DSCAML1: variants seen among roughly 807,000 people sequenced by gnomAD.
DSCAML1 encodes the protein DS cell adhesion molecule like 1.
DSCAML1 carries 38 observed loss-of-function variants against 200.5 expected under a neutral mutation model. The ratio of observed to expected loss-of-function variants is 0.19; its 90% CI spans 0.15 to 0.25. The LOEUF (loss-of-function observed/expected upper bound fraction) is 0.25. Ranked by LOEUF, DSCAML1 falls within the 10% of genes least tolerant of loss-of-function variation. DSCAML1 has a pLI of 1.00. For missense variants in DSCAML1, 2,223 were observed against 2,858.8 expected (o/e 0.78, Z 5.07); for synonymous variants, 1,215 against 1,165.0 (o/e 1.04, Z -0.87).
intron 19 of DSCAML1, among the ~76,000 whole-genome samples, chr11:117,453,322 A>T (rs558764145): frequency 3.9e-5 from 6 of 152,172 alleles, no homozygotes; most frequent in Non-Finnish European, 8.8e-5. Context: ...TTACCCATAC[A>T]TTCAGCATTT....
At chr11:117,554,402 A>G (rs756832692) in intron 3 of DSCAML1, among the ~76,000 whole-genome samples, 10 of 152,140 alleles carry the variant, frequency 6.6e-5, no homozygotes, top group Non-Finnish European at 1.0e-4. Context: ...ATTTTTTGAG[A>G]TGAAGTCTTG....
chr11:117,568,549 C>CA (rs2050794622), intron 3 of DSCAML1, among the ~76,000 whole-genome samples: 1 of 151,958 alleles, frequency 6.6e-6, no homozygotes, highest in South Asian at 2.1e-4. Context: ...AATCAATGTA[C>CA]AAAAATCACA....
rs1472736722 is a variant in DSCAML1 at position 117,428,651 on chromosome 11, C to T, written c.5839G>A (p.Asp1947Asn). The T allele has an allele frequency of 6.2e-7, 1 of 1,611,762 alleles. No individual in the cohort carries two copies. The highest frequency in any genetic ancestry group is 1.3e-5 in the African/African-American group (1 of 75,006). ...YHTQARHLTL[D>N]PASKSLGLPH... Reference sequence around the variant, plus strand: ...AGGCCCAAGGACTTGCTGGCAGGGTCCAGGGTCAGGTGGCGAGCCTGGGTG... The same window carrying T: ...AGGCCCAAGGACTTGCTGGCAGGGTTCAGGGTCAGGTGGCGAGCCTGGGTG... The change falls in exon 33 of 33, where the codon GAC (aspartate) becomes AAC (asparagine). Residue 1947 changes from aspartate to asparagine, a missense_variant. Around this residue, in one of 7 missense-constraint regions of DSCAML1, gnomAD observed 280 missense variants for 213.4 expected, o/e 1.31. Coordinates refer to ENST00000651296, the MANE Select transcript of DSCAML1 (RefSeq NM_020693.4).
intron 4 of DSCAML1, among the ~76,000 whole-genome samples, chr11:117,526,805 C>T (rs147274978): frequency 1.9e-4 from 29 of 152,196 alleles, no homozygotes; most frequent in Non-Finnish European, 3.4e-4. Context: ...CATGAGCCAC[C>T]GTGCCCAGCT....
intron 11 of DSCAML1, among the ~76,000 whole-genome samples, chr11:117,486,746 G>A (rs557591443): frequency 6.6e-6 from 1 of 152,222 alleles, no homozygotes; most frequent in East Asian, 1.9e-4. Flanking sequence ...TAGCATTGCA[G>A]AGCCCAGATG....
At chr11:117,434,162 A>G (rs1339547019) in intron 27 of DSCAML1, among the ~76,000 whole-genome samples, 1 of 152,178 alleles carries the variant, frequency 6.6e-6, no homozygotes, top group Non-Finnish European at 1.5e-5. Context: ...TTGTCTGGCT[A>G]TCCATTCACC....
chr11:117,749,118 C>T (rs78272912), intron 3 of DSCAML1, among the ~76,000 whole-genome samples: 5 of 152,164 alleles, frequency 3.3e-5, no homozygotes, highest in East Asian at 1.9e-4. Context: ...ATGCAGAGGA[C>T]GAAAGGATGA....
intron 5 of DSCAML1, among the ~76,000 whole-genome samples, chr11:117,521,736 T>A (rs1294127802): frequency 6.6e-6 from 1 of 150,674 alleles, no homozygotes. Context: ...TGGCTCTTTA[T>A]TCTCCCCGCC....
chr11:117,698,248 ACC>A (rs2053616746), intron 3 of DSCAML1, among the ~76,000 whole-genome samples: 1 of 152,114 alleles, frequency 6.6e-6, no homozygotes, highest in African/African-American at 2.4e-5. Flanking sequence ...TTGGGAATCT[ACC>A]CAGAACTGGA....
At chr11:117,607,089 G>A (rs1018492933) in intron 3 of DSCAML1, among the ~76,000 whole-genome samples, 5 of 152,228 alleles carry the variant, frequency 3.3e-5, no homozygotes, top group South Asian at 4.1e-4. Flanking sequence ...CCTTCGTAAA[G>A]AGGCACAGCA....
At chr11:117,769,247 TGTATATA>T (rs1320296976) in intron 3 of DSCAML1, among the ~76,000 whole-genome samples, 2,178 of 6,328 alleles carry the variant, frequency 0.34, 562 homozygotes, top group East Asian at 0.46. Context: ...ATTTTATATA[TGTATATA>T]TTATATATTT....
intron 3 of DSCAML1, among the ~76,000 whole-genome samples, chr11:117,698,941 G>A (rs1304370991): frequency 6.6e-6 from 1 of 152,142 alleles, no homozygotes; most frequent in Non-Finnish European, 1.5e-5. Context: ...TGACACTTAC[G>A]CACAACACCG....
intron 3 of DSCAML1, among the ~76,000 whole-genome samples, chr11:117,549,099 C>G (rs1210230119): frequency 9.9e-5 from 15 of 152,222 alleles, no homozygotes; most frequent in Admixed American, 9.8e-4. Context: ...GAGACCATCC[C>G]TCTGTCCTTC....
intron 3 of DSCAML1, among the ~76,000 whole-genome samples, chr11:117,739,511 T>G (rs982629928): frequency 5.3e-5 from 8 of 152,248 alleles, no homozygotes; most frequent in Non-Finnish European, 7.3e-5. Flanking sequence ...AAAGCCTACA[T>G]ATCAACAGAG....
intron 20 of DSCAML1, among the ~76,000 whole-genome samples, chr11:117,449,940 G>A (rs1471625590): frequency 6.6e-6 from 1 of 152,220 alleles, no homozygotes; most frequent in Admixed American, 6.5e-5. Context: ...ATCAGTGGAA[G>A]GGCGGCTAGC....
At chr11:117,593,451 C>G (rs2051299229) in intron 3 of DSCAML1, among the ~76,000 whole-genome samples, 1 of 152,198 alleles carries the variant, frequency 6.6e-6, no homozygotes, top group Non-Finnish European at 1.5e-5. Context: ...AATGTGAGAA[C>G]CAAAGCCGCT....
At chr11:117,589,428 A>AATG (rs2051215664) in intron 3 of DSCAML1, among the ~76,000 whole-genome samples, 1 of 151,890 alleles carries the variant, frequency 6.6e-6, no homozygotes, top group Non-Finnish European at 1.5e-5. Flanking sequence ...CCCCCAACTC[A>AATG]ATGTGTTTTC....
rs556871617 is a variant in DSCAML1, at chr11:117,428,214, C to T, written c.*114G>A. 2,039 of 675,762 alleles carry T rather than the reference C, an allele frequency of 3.0e-3. 8 individuals are homozygous for T. Among genetic ancestry groups the T allele is most frequent in the Non-Finnish European group, 2.3e-3 (868 of 380,790 alleles). The allele number at this position is 675,762 out of a possible 1,614,324, so 41.9% of individuals were successfully genotyped here. A position where few individuals can be genotyped will look rare whatever the true frequency, so the allele number is the denominator to read the frequency against. ...TCATGATTGGGGGTTTTTGTTTTGT[C>T]GTTGGTTGGTTTTTGTCTGTCAGTT... On this transcript the variant is annotated 3_prime_UTR_variant, in exon 33 of 33. Coordinates refer to ENST00000651296, the MANE Select transcript of DSCAML1 (RefSeq NM_020693.4).
At chr11:117,774,276 A>T (rs1241033055) in intron 3 of DSCAML1, among the ~76,000 whole-genome samples, 1 of 152,216 alleles carries the variant, frequency 6.6e-6, no homozygotes, top group Non-Finnish European at 1.5e-5. Context: ...GGATGAGAAC[A>T]ATCCAGTTCC....
Sources: allele counts gnomAD v4.1 joint callset (sites outside exome capture counted in the v4.1 genomes callset), GRCh38; gene constraint gnomAD v4.1.1; regional missense constraint gnomAD v4.1.1; transcripts MANE v1.5; gene names NCBI Gene and HGNC (gene_info 2026-07-23, HGNC 2026-07-21).